Variants in PTPRK observed in about 807,000 individuals in gnomAD.
PTPRK encodes the protein protein tyrosine phosphatase receptor type K.
Under a neutral mutation model 178.0 loss-of-function variants are expected in PTPRK, and 75 were observed. That is an observed-to-expected ratio of 0.42 (90% CI 0.35 to 0.51). The LOEUF (loss-of-function observed/expected upper bound fraction) is 0.51, where lower values mean the gene tolerates loss of function less well. PTPRK is among the 20% of genes least tolerant of loss of function. The pLI is 0.02. For missense variants in PTPRK, 1,441 were observed against 1,797.8 expected (o/e 0.80, Z 3.59); for synonymous variants, 637 against 620.6 (o/e 1.03, Z -0.39).
chr6:128,100,736 A>G (rs1304870058), intron 7 of PTPRK, among the ~76,000 whole-genome samples: 3 of 151,970 alleles, frequency 2.0e-5, no homozygotes, highest in Non-Finnish European at 4.4e-5. Context: ...ATACCTAAAT[A>G]ATTCATTTCT....
chr6:128,046,936 T>C (rs1158480528), intron 13 of PTPRK, among the ~76,000 whole-genome samples: 1 of 152,186 alleles, frequency 6.6e-6, no homozygotes, highest in Non-Finnish European at 1.5e-5. Context: ...TTTTTGAATG[T>C]CTGTCACTTA....
chr6:128,316,709 CTTTT>C (rs11296650), intron 3 of PTPRK, among the ~76,000 whole-genome samples: 2 of 133,462 alleles, frequency 1.5e-5, no homozygotes, highest in Non-Finnish European at 1.6e-5. Context: ...TAAGCTTTTT[CTTTT>C]TTTTTTTTTT....
intron 6 of PTPRK, among the ~76,000 whole-genome samples, chr6:128,214,576 T>C (rs1808882936): frequency 6.6e-6 from 1 of 151,952 alleles, no homozygotes. Flanking sequence ...ATTATTTTGA[T>C]AGTTGTGGTA....
At chr6:128,426,109 T>C (rs1844107354) in intron 1 of PTPRK, among the ~76,000 whole-genome samples, 1 of 152,204 alleles carries the variant, frequency 6.6e-6, no homozygotes. Context: ...CTTGGTGAAA[T>C]AAACTATGAC....
chr6:127,975,236 A>G (rs1774388904), intron 27 of PTPRK, among the ~76,000 whole-genome samples: 1 of 152,212 alleles, frequency 6.6e-6, no homozygotes, highest in African/African-American at 2.4e-5. Flanking sequence ...TGCTCAATTA[A>G]CAGACAAGCC....
intron 1 of PTPRK, among the ~76,000 whole-genome samples, chr6:128,513,137 T>C (rs558455572): frequency 6.6e-6 from 1 of 152,302 alleles, no homozygotes; most frequent in South Asian, 2.1e-4. Flanking sequence ...TATAGTACTG[T>C]TGTTTTGATG....
At chr6:128,059,316 A>T (rs1489253185) in intron 13 of PTPRK, among the ~76,000 whole-genome samples, 1 of 152,110 alleles carries the variant, frequency 6.6e-6, no homozygotes, top group African/African-American at 2.4e-5. Context: ...ATTTCTCTCA[A>T]TAAGATTTTG....
intron 5 of PTPRK, chr6:128,235,705 C>T (rs1424594336): frequency 5.1e-6 from 2 of 395,198 alleles, no homozygotes; most frequent in South Asian, 3.8e-5. Context: ...ACTTGTTAGT[C>T]ATCGACATTG....
intron 5 of PTPRK, chr6:128,238,206 A>G: frequency 2.7e-6 from 1 of 366,718 alleles, no homozygotes. Flanking sequence ...AAAAAAAGAA[A>G]AGAAAAAAAA....
chr6:128,340,419 G>A (rs1046254796), intron 2 of PTPRK, among the ~76,000 whole-genome samples: 1 of 152,110 alleles, frequency 6.6e-6, no homozygotes, highest in Non-Finnish European at 1.5e-5. Context: ...CCAGCAACTG[G>A]GTAAGCTTTA....
At chr6:128,516,967 C>A (rs903033788) in intron 1 of PTPRK, among the ~76,000 whole-genome samples, 1 of 150,342 alleles carries the variant, frequency 6.7e-6, no homozygotes, top group Non-Finnish European at 1.5e-5. Flanking sequence ...TAAGGATAAT[C>A]GATCATTGTG....
At chr6:128,040,516 T>C (rs1405378087) in intron 13 of PTPRK, among the ~76,000 whole-genome samples, 1 of 152,032 alleles carries the variant, frequency 6.6e-6, no homozygotes, top group Non-Finnish European at 1.5e-5. Flanking sequence ...GAGGCACAGA[T>C]GCAAAGCCAA....
At chr6:128,448,134 G>T (rs957314828) in intron 1 of PTPRK, among the ~76,000 whole-genome samples, 1 of 152,018 alleles carries the variant, frequency 6.6e-6, no homozygotes, top group South Asian at 2.1e-4. Context: ...GCACGTACAC[G>T]CTATACTGAC....
chr6:128,177,735 T>G (rs1361370197), intron 7 of PTPRK, among the ~76,000 whole-genome samples: 1 of 151,838 alleles, frequency 6.6e-6, no homozygotes, highest in Admixed American at 6.6e-5. Context: ...TCATATTTGT[T>G]CAACTTTCAT....
At chr6:128,121,160 T>C (rs549882208) in intron 7 of PTPRK, among the ~76,000 whole-genome samples, 2 of 152,002 alleles carry the variant, frequency 1.3e-5, no homozygotes, top group African/African-American at 4.8e-5. Flanking sequence ...AAAACATAAC[T>C]TAAAAAATAA....
chr6:128,053,546 A>C (rs1380519635), intron 13 of PTPRK, among the ~76,000 whole-genome samples: 1 of 152,068 alleles, frequency 6.6e-6, no homozygotes, highest in Non-Finnish European at 1.5e-5. Flanking sequence ...CTGATTTCCC[A>C]AGGTGGATTG....
intron 1 of PTPRK, among the ~76,000 whole-genome samples, chr6:128,400,880 G>A (rs1183542497): frequency 6.6e-6 from 1 of 152,124 alleles, no homozygotes; most frequent in East Asian, 1.9e-4. Flanking sequence ...GAGCTGGATG[G>A]CAGATGGCAG....
At chr6:128,411,456 AT>A (rs1177310684) in intron 1 of PTPRK, among the ~76,000 whole-genome samples, 1 of 152,176 alleles carries the variant, frequency 6.6e-6, no homozygotes, top group Non-Finnish European at 1.5e-5. Flanking sequence ...GGGCCTTAAA[AT>A]TTTTCACTCC....
chr6:128,491,624 AAT>A (rs1464592089), intron 1 of PTPRK: 1 of 392,920 alleles, frequency 2.5e-6, no homozygotes. Context: ...CTGTGGTGAG[AAT>A]ATGAGATTAA....
Sources: gnomAD v4.1 joint callset for allele counts (sites outside exome capture counted in the v4.1 genomes callset) on GRCh38, gnomAD v4.1.1 for gene constraint, MANE v1.5 for transcripts, NCBI Gene and HGNC (gene_info 2026-07-23, HGNC 2026-07-21) for gene names.